ABHD17C: variants seen among roughly 807,000 people sequenced by gnomAD.
ABHD17C encodes the protein alpha/beta hydrolase domain-containing protein 17C.
Under a neutral mutation model 27.9 loss-of-function variants are expected in ABHD17C, and 11 were observed. That is an observed-to-expected ratio of 0.39 (90% confidence interval 0.25 to 0.65). The LOEUF (loss-of-function observed/expected upper bound fraction) is 0.65. Among genes scored for constraint, ABHD17C ranks in the 30% least tolerant of loss-of-function variants. ABHD17C has a pLI of 0.45. For missense variants in ABHD17C, 280 were observed against 470.2 expected (o/e 0.60, Z 3.74); for synonymous variants, 233 against 209.1 (o/e 1.11, Z -0.98).
intron 1 of ABHD17C, among the ~76,000 whole-genome samples, chr15:80,706,169 T>C (rs117330985): frequency 0.022 from 3,288 of 152,346 alleles, 107 homozygotes; most frequent in East Asian, 0.099. Flanking sequence ...AAAATATGAA[T>C]GCTCCCATAA....
chr15:80,735,109 AG>A (rs535502837), intron 1 of ABHD17C, among the ~76,000 whole-genome samples: 264 of 152,308 alleles, frequency 1.7e-3, no homozygotes, highest in African/African-American at 6.2e-3. Context: ...GCACTGTGGC[AG>A]GAGAAAGAAT....
At chr15:80,737,958 A>C (rs1299479019) in intron 1 of ABHD17C, among the ~76,000 whole-genome samples, 3 of 152,206 alleles carry the variant, frequency 2.0e-5, no homozygotes, top group Admixed American at 6.5e-5. Context: ...AGCATAAAAA[A>C]AGTTTGTTTT....
chr15:80,707,416 T>C (rs918806789), intron 1 of ABHD17C, among the ~76,000 whole-genome samples: 1 of 152,160 alleles, frequency 6.6e-6, no homozygotes, highest in African/African-American at 2.4e-5. Flanking sequence ...TAATGAAAAC[T>C]TACAGAAGGC....
chr15:80,706,351 C>G (rs555701963), intron 1 of ABHD17C, among the ~76,000 whole-genome samples: 1 of 152,126 alleles, frequency 6.6e-6, no homozygotes, highest in African/African-American at 2.4e-5. Flanking sequence ...AATGCTCAGA[C>G]GGATAGTTAA....
At chr15:80,723,699 A>G (rs376206931) in intron 1 of ABHD17C, among the ~76,000 whole-genome samples, 5 of 152,332 alleles carry the variant, frequency 3.3e-5, no homozygotes, top group Admixed American at 1.3e-4. Context: ...TTCAGGCACA[A>G]CTTAAAGTCA....
chr15:80,712,878 T>C (rs562700872), intron 1 of ABHD17C, among the ~76,000 whole-genome samples: 1 of 152,332 alleles, frequency 6.6e-6, no homozygotes, highest in African/African-American at 2.4e-5. Context: ...TTGCTGTCTT[T>C]TTGTTACTTT....
intron 1 of ABHD17C, among the ~76,000 whole-genome samples, chr15:80,737,453 C>T (rs934586573): frequency 9.9e-5 from 15 of 152,132 alleles, no homozygotes; most frequent in African/African-American, 3.6e-4. Flanking sequence ...TCAAAAACAG[C>T]TTTTGGCTAG....
At chr15:80,713,052 C>G (rs1262767413) in intron 1 of ABHD17C, among the ~76,000 whole-genome samples, 1 of 152,102 alleles carries the variant, frequency 6.6e-6, no homozygotes, top group Non-Finnish European at 1.5e-5. Context: ...CACTCACACT[C>G]CACCCCCAGC....
chr15:80,710,321 G>A (rs1278851721), intron 1 of ABHD17C, among the ~76,000 whole-genome samples: 1 of 152,148 alleles, frequency 6.6e-6, no homozygotes, highest in African/African-American at 2.4e-5. Flanking sequence ...GGAGGGGTGA[G>A]GGCATTAGTC....
chr15:80,707,303 GAT>G (rs750027456), intron 1 of ABHD17C, among the ~76,000 whole-genome samples: 1 of 152,210 alleles, frequency 6.6e-6, no homozygotes, highest in Non-Finnish European at 1.5e-5. Context: ...AGTGGCCTGA[GAT>G]AAAGTCTGTT....
Position 80,695,775 on chromosome 15 carries a change from C to G in ABHD17C, c.346C>G (p.Arg116Gly). 3 of 1,544,744 alleles carry G rather than the reference C, an allele frequency of 1.9e-6. No homozygotes were observed. Among genetic ancestry groups the G allele is most frequent in the Non-Finnish European group, 2.6e-6 (3 of 1,152,344 alleles). The change falls in exon 1 of 3, where the codon CGG becomes GGG. Residue 116 changes from arginine (R) to glycine (G), a missense_variant. Physicochemically the swap from Arg to Gly is moderately radical, Grantham distance 125. Around this residue, in one of 2 missense-constraint regions of ABHD17C, gnomAD observed 206 missense variants for 394.7 expected, o/e 0.52. Transcript: ENST00000258884. This position sits in a 1 kb window ranked among gnomAD's most constrained non-coding sequence, Gnocchi z 4.3. ...CGAGGTCTTCTTCTCGCGCACGGCC[C>G]GGGACAACCGGCTCGGCTGCATGTT... Reference protein sequence around the residue: ...AVEVFFSRTARDNRLGCMFVR... With the variant: ...AVEVFFSRTAGDNRLGCMFVR...
intron 1 of ABHD17C, among the ~76,000 whole-genome samples, chr15:80,742,434 A>G (rs1895223508): frequency 1.3e-5 from 2 of 152,180 alleles, no homozygotes; most frequent in African/African-American, 4.8e-5. Context: ...CAGGAGATCG[A>G]TGTCCCAGCT....
rs928717671 is a variant in ABHD17C at position 80,747,990 on chromosome 15, G to A, written c.591-1523G>A. The stretch of plus-strand genomic sequence containing the variant: ...ACGCTATCCTAGCACATCCCCTGCC[G>A]GCCGGCCCAGTGCTTTCCTGCTGCT... On this transcript the variant is annotated intron_variant, in intron 1 of 2. Coordinates refer to ENST00000258884, the MANE Select transcript of ABHD17C (RefSeq NM_021214.2). 2.0e-5 allele frequency among the ~76,000 whole-genome samples: 3 copies of A among 152,208 alleles called. No homozygotes were observed. The East Asian group carries it at 5.8e-4, about 29-fold the overall frequency.
chr15:80,706,628 T>C (rs1894652778), intron 1 of ABHD17C, among the ~76,000 whole-genome samples: 1 of 152,204 alleles, frequency 6.6e-6, no homozygotes, highest in Non-Finnish European at 1.5e-5. Context: ...ATCTACTAGC[T>C]AAAATCTCTG....
At chr15:80,739,467 C>G (rs1321776632) in intron 1 of ABHD17C, among the ~76,000 whole-genome samples, 3 of 152,256 alleles carry the variant, frequency 2.0e-5, no homozygotes, top group African/African-American at 7.2e-5. Flanking sequence ...GAGATGGGGT[C>G]TGTTGGGAGC....
At chr15:80,706,367 G>T (rs903962034) in intron 1 of ABHD17C, among the ~76,000 whole-genome samples, 5 of 152,216 alleles carry the variant, frequency 3.3e-5, no homozygotes, top group African/African-American at 1.2e-4. Context: ...GTTAACGGTT[G>T]TACGTCAATT....
At chr15:80,754,107 A>C (rs377425618) in intron 2 of ABHD17C, 44 bp from the exon 3 acceptor site, 9 of 1,446,472 alleles carry the variant, frequency 6.2e-6, no homozygotes, top group Non-Finnish European at 7.8e-6. Flanking sequence ...TGTGAGCATA[A>C]CTAATGGAGT....
chr15:80,738,275 C>T (rs992540561), intron 1 of ABHD17C, among the ~76,000 whole-genome samples: 1 of 152,118 alleles, frequency 6.6e-6, no homozygotes, highest in Non-Finnish European at 1.5e-5. Flanking sequence ...CCTTCTCAAC[C>T]ATAAGCTGAT....
rs1053484013 is a variant in ABHD17C at position 80,697,583 on chromosome 15, G to A, written c.590+1564G>A. On this transcript the variant is annotated intron_variant, in intron 1 of 2. Transcript: ENST00000258884. ...CCCTTTGCCCCAAATATACAGGTGT[G>A]TCTGTGTTACAGCTTACGTGGAGTG... 2.0e-5 allele frequency among the ~76,000 whole-genome samples: 3 copies of A among 151,730 alleles called. No homozygotes were observed. In the South Asian group the frequency reaches 6.2e-4, roughly 31 times the overall value.
Sources: allele counts gnomAD v4.1 joint callset (sites outside exome capture counted in the v4.1 genomes callset), GRCh38; gene constraint gnomAD v4.1.1; regional missense constraint gnomAD v4.1.1; non-coding constraint Gnocchi (gnomAD v3.1); transcripts MANE v1.5; gene names NCBI Gene and HGNC (gene_info 2026-07-23, HGNC 2026-07-21).